Variants in USH2A observed in about 807,000 individuals in gnomAD.
USH2A encodes the protein usherin, also known as Usher syndrome 2A (autosomal recessive, mild).
USH2A carries 443 observed loss-of-function variants against 538.9 expected under a neutral mutation model. The ratio of observed to expected loss-of-function variants is 0.82; its 90% CI spans 0.76 to 0.89. The LOEUF (loss-of-function observed/expected upper bound fraction) is 0.89, where lower values mean the gene tolerates loss of function less well. Ranked by LOEUF, USH2A falls within the 40% of genes least tolerant of loss-of-function variation. The pLI is 0.00. For synonymous variants in USH2A, 2,413 were observed against 2,273.5 expected (o/e 1.06, Z -1.75); for missense variants, 6,633 against 6,324.8 (o/e 1.05, Z -1.65).
At chr1:216,416,790 T>C (rs1158061112) in intron 3 of USH2A, among the ~76,000 whole-genome samples, 2 of 150,014 alleles carry the variant, frequency 1.3e-5, no homozygotes, top group Non-Finnish European at 3.0e-5. Flanking sequence ...TGGCACAGTT[T>C]CACAGATAAC....
intron 61 of USH2A, among the ~76,000 whole-genome samples, chr1:215,697,721 A>G (rs1283624076): frequency 1.3e-5 from 2 of 152,018 alleles, no homozygotes; most frequent in Non-Finnish European, 2.9e-5. Flanking sequence ...GCGTTTCTCC[A>G]TGTTGGTCAG....
At chr1:216,169,264 ACTG>A (rs1175781080) in intron 21 of USH2A, among the ~76,000 whole-genome samples, 1 of 152,166 alleles carries the variant, frequency 6.6e-6, no homozygotes, top group Non-Finnish European at 1.5e-5. Context: ...TAACTAAAAT[ACTG>A]CTAACAGCTA....
chr1:215,891,986 T>C lies in USH2A; in HGVS notation c.7595-2932A>G, dbSNP rs73090776. Among the ~76,000 whole-genome samples the C allele has an allele frequency of 7.5e-3, 1,149 of 152,332 alleles. 15 individuals are homozygous for C. Among genetic ancestry groups the C allele is most frequent in the African/African-American group, 0.026 (1,084 of 41,576 alleles). On this transcript the variant is annotated intron_variant, in intron 40 of 71. Transcript: ENST00000307340. The stretch of plus-strand genomic sequence containing the variant: ...GCAACATTAATAACGGAAAGTAGTT[T>C]CATTTTGGCAAATGAAATTATCTTT...
chr1:216,126,116 G>A (rs890300025), intron 21 of USH2A, among the ~76,000 whole-genome samples: 6 of 152,186 alleles, frequency 3.9e-5, no homozygotes, highest in Admixed American at 1.3e-4. Context: ...TAGTCCTGCT[G>A]ACTGCTTGGG....
intron 3 of USH2A, among the ~76,000 whole-genome samples, chr1:216,373,634 T>C (rs1352474131): frequency 6.6e-6 from 1 of 152,194 alleles, no homozygotes; most frequent in Non-Finnish European, 1.5e-5. Flanking sequence ...ATAAGCACGA[T>C]GTAAACATCA....
intron 67 of USH2A, among the ~76,000 whole-genome samples, chr1:215,642,323 A>C (rs1460741067): frequency 1.3e-5 from 2 of 152,222 alleles, no homozygotes; most frequent in Admixed American, 1.3e-4. Flanking sequence ...CAGAGAGGTC[A>C]AATATCTTGC....
intron 21 of USH2A, among the ~76,000 whole-genome samples, chr1:216,164,291 A>C (rs1216033219): frequency 6.6e-6 from 1 of 152,150 alleles, no homozygotes; most frequent in Non-Finnish European, 1.5e-5. Flanking sequence ...CCTAGTGAGA[A>C]ATATTTAGTT....
At chr1:216,152,727 A>T (rs955933261) in intron 21 of USH2A, among the ~76,000 whole-genome samples, 1 of 152,202 alleles carries the variant, frequency 6.6e-6, no homozygotes, top group Non-Finnish European at 1.5e-5. Flanking sequence ...CTGGTGATAA[A>T]GACAGGAGGC....
In USH2A at chr1:216,325,510, G is replaced by T. The variant is rs397518047; in HGVS notation, c.938C>A (p.Pro313His). The T allele has an allele frequency of 1.9e-6, 3 of 1,613,682 alleles. No homozygotes were observed. The highest frequency in any genetic ancestry group is 4.5e-5 in the East Asian group (2 of 44,820). Residue 313 changes from proline to histidine, a missense_variant, in exon 6 of 72, where the codon CCT (proline) becomes CAT (histidine). By Grantham distance (77) the Pro-to-His change is moderately conservative. Transcript: ENST00000307340. The stretch of plus-strand genomic sequence containing the variant: ...AGGAATGCAGTACCGCTGTGCCAAA[G>T]GGTGGACCCGCGGGTGGCTGCCAGG... ...RCPGSHPRVH[P>H]LAQRYCIPND...
intron 21 of USH2A, among the ~76,000 whole-genome samples, chr1:216,099,270 G>T (rs528848032): frequency 9.9e-5 from 15 of 152,108 alleles, no homozygotes; most frequent in African/African-American, 3.1e-4. Context: ...TGAATGTTGT[G>T]TTCTTGCTGT....
chr1:216,361,772 C>T (rs1251050609), intron 4 of USH2A, among the ~76,000 whole-genome samples: 2 of 152,116 alleles, frequency 1.3e-5, no homozygotes, highest in African/African-American at 4.8e-5. Flanking sequence ...TGTTGGGACA[C>T]CCACTTTGGA....
At chr1:215,698,053 C>T (rs1418692690) in intron 61 of USH2A, among the ~76,000 whole-genome samples, 2 of 152,124 alleles carry the variant, frequency 1.3e-5, no homozygotes, top group African/African-American at 4.8e-5. Context: ...GTTCAACTCC[C>T]ACTTATGAGT....
At chr1:215,734,673 G>A (rs1660103996) in intron 60 of USH2A, among the ~76,000 whole-genome samples, 1 of 152,134 alleles carries the variant, frequency 6.6e-6, no homozygotes, top group Non-Finnish European at 1.5e-5. Flanking sequence ...TTGTTGCTTT[G>A]AAATTTCTTC....
chr1:216,058,200 G>T (rs953273224), intron 30 of USH2A, among the ~76,000 whole-genome samples: 1 of 126,822 alleles, frequency 7.9e-6, no homozygotes, highest in Non-Finnish European at 1.7e-5. Flanking sequence ...TCCCGCCTCT[G>T]CATTGACTTA....
chr1:215,816,869 C>A, intron 48 of USH2A, 128 bp downstream of exon 48: 1 of 1,026,938 alleles, frequency 9.7e-7, no homozygotes, highest in South Asian at 1.4e-5. Context: ...CTTTCTTTTC[C>A]GTGGAGTCTT....
At chr1:215,673,152 A>G (rs910944814) in intron 63 of USH2A, among the ~76,000 whole-genome samples, 2 of 152,176 alleles carry the variant, frequency 1.3e-5, no homozygotes, top group African/African-American at 4.8e-5. Context: ...GGAAGTTTTA[A>G]TTACTGTTTA....
intron 3 of USH2A, among the ~76,000 whole-genome samples, chr1:216,404,492 C>G (rs1368198756): frequency 1.3e-5 from 2 of 151,600 alleles, no homozygotes; most frequent in Non-Finnish European, 1.5e-5. Context: ...TAATTTTTGA[C>G]AAATGTGCCA....
chr1:216,027,198 C>G (rs964156914), intron 32 of USH2A, among the ~76,000 whole-genome samples: 6 of 152,048 alleles, frequency 3.9e-5, no homozygotes, highest in African/African-American at 1.2e-4. Context: ...TTATGATGAG[C>G]CTTAATTCAA....
At chr1:216,053,860 G>T (rs1332464650) in intron 30 of USH2A, among the ~76,000 whole-genome samples, 6 of 152,124 alleles carry the variant, frequency 3.9e-5, no homozygotes, top group Admixed American at 3.9e-4. Flanking sequence ...GGGCCACAGT[G>T]GGTGCAGAAA....
Sources: allele counts gnomAD v4.1 joint callset (sites outside exome capture counted in the v4.1 genomes callset), GRCh38; gene constraint gnomAD v4.1.1; transcripts MANE v1.5; gene names NCBI Gene and HGNC (gene_info 2026-07-23, HGNC 2026-07-21).